Variants in POTEH observed in about 807,000 individuals in gnomAD.
The protein encoded by POTEH is ANKRD26-like family C member 3.
POTEH carries 6 observed loss-of-function variants against 41.7 expected under a neutral mutation model. The ratio of observed to expected loss-of-function variants is 0.14; its 90% CI spans 0.08 to 0.28. The LOEUF (loss-of-function observed/expected upper bound fraction) is 0.28, where lower values mean the gene tolerates loss of function less well. Among genes scored for constraint, POTEH ranks in the 10% least tolerant of loss-of-function variants. The pLI, the probability that POTEH is intolerant of heterozygous loss-of-function variation, is 1.00. For missense variants in POTEH, 115 were observed against 533.5 expected (o/e 0.22, Z 7.73); for synonymous variants, 38 against 179.9 (o/e 0.21, Z 6.31).
At chr22:15,705,372 T>G (rs1352493219) in intron 6 of POTEH, among the ~76,000 whole-genome samples, 1 of 135,674 alleles carries the variant, frequency 7.4e-6, no homozygotes, top group Non-Finnish European at 1.6e-5. Context: ...TTTTTTTTTT[T>G]TTTGGTGTTA....
chr22:15,691,249 C>T (rs1989301626), intron 1 of POTEH, among the ~76,000 whole-genome samples: 1 of 140,700 alleles, frequency 7.1e-6, no homozygotes, highest in Non-Finnish European at 1.6e-5. Flanking sequence ...TTTGGCTGGG[C>T]GTGGTGGCTC....
chr22:15,692,518 G>A (rs1989346502), intron 1 of POTEH, among the ~76,000 whole-genome samples: 1 of 136,980 alleles, frequency 7.3e-6, no homozygotes, highest in Admixed American at 7.7e-5. Context: ...CACTTTAGGA[G>A]GCTGAGGCAG....
chr22:15,721,254 G>A (rs1833794336), intron 10 of POTEH, 32 bp from the exon 11 acceptor site: 1 of 1,473,066 alleles, frequency 6.8e-7, no homozygotes, highest in African/African-American at 1.4e-5. Context: ...AATCTATTGA[G>A]TGCTAACTAA....
chr22:15,714,395 C>T (rs1354250238), intron 9 of POTEH, among the ~76,000 whole-genome samples: 5 of 152,140 alleles, frequency 3.3e-5, no homozygotes, highest in Non-Finnish European at 5.9e-5. Flanking sequence ...CAGAGTTCCT[C>T]CTAATAACTA....
intron 1 of POTEH, among the ~76,000 whole-genome samples, chr22:15,691,717 C>A (rs1347155821): frequency 6.9e-6 from 1 of 145,872 alleles, no homozygotes; most frequent in African/African-American, 2.5e-5. Context: ...TTTATTTCCA[C>A]AAATTGTTTA....
chr22:15,692,739 A>G (rs1989353029), intron 1 of POTEH, among the ~76,000 whole-genome samples: 1 of 124,254 alleles, frequency 8.0e-6, no homozygotes, highest in African/African-American at 2.9e-5. Flanking sequence ...TGGGTGACAG[A>G]GTGAGACCCC....
At chr22:15,691,981 G>GATATATATATAT (rs1403078945) in intron 1 of POTEH, among the ~76,000 whole-genome samples, 18 of 122,998 alleles carry the variant, frequency 1.5e-4, no homozygotes, top group African/African-American at 2.3e-4. Flanking sequence ...TACATATGCA[G>GATATATATATAT]ATACATATAT....
intron 6 of POTEH, among the ~76,000 whole-genome samples, chr22:15,706,360 ATTTCT>A (rs1212556168): frequency 8.1e-6 from 1 of 123,166 alleles, no homozygotes; most frequent in African/African-American, 3.3e-5. Context: ...ACACAATGTA[ATTTCT>A]TTGCTTTATT....
chr22:15,705,530 G>A (rs377069817), intron 6 of POTEH, among the ~76,000 whole-genome samples: 29 of 151,220 alleles, frequency 1.9e-4, no homozygotes, highest in African/African-American at 4.9e-4. Context: ...GAGAGGTATC[G>A]TCAATATGAT....
chr22:15,692,103 T>G (rs1476437154), intron 1 of POTEH, among the ~76,000 whole-genome samples: 1 of 131,920 alleles, frequency 7.6e-6, no homozygotes, highest in Non-Finnish European at 1.7e-5. Context: ...CCTCATAGGT[T>G]CAAGCAATTC....
At chr22:15,691,604 T>A in intron 1 of POTEH, among the ~76,000 whole-genome samples, 1 of 145,080 alleles carries the variant, frequency 6.9e-6, no homozygotes, top group Admixed American at 7.2e-5. Flanking sequence ...AGTTTTAGAG[T>A]TTTTAAATTA....
At chr22:15,691,627 TTTA>T (rs1478525075) in intron 1 of POTEH, among the ~76,000 whole-genome samples, 1 of 146,150 alleles carries the variant, frequency 6.8e-6, no homozygotes, top group Non-Finnish European at 1.5e-5. Flanking sequence ...CATGCTGTCT[TTTA>T]TTATTGTGCT....
intron 1 of POTEH, among the ~76,000 whole-genome samples, chr22:15,691,442 C>T (rs1214500079): frequency 8.3e-6 from 1 of 120,708 alleles, no homozygotes; most frequent in African/African-American, 3.0e-5. Flanking sequence ...AGGAGAATGG[C>T]GTGAACCTGG....
Position 15,690,353 on chromosome 22 carries a change from G to A in POTEH, c.276G>A (p.Lys92=), listed in dbSNP as rs769086178. The part of the protein sequence containing the change: ...TSGDHDDSAM[K]TLRSKMGKWC... The stretch of plus-strand genomic sequence containing the variant: ...GAGACCACGACGATTCTGCTATGAA[G>A]ACACTCAGGAGCAAGATGGGCAAGT... Residue 92 remains lysine (K), a synonymous_variant, in exon 1 of 11, where the codon AAG becomes AAA. Coordinates refer to ENST00000343518, the MANE Select transcript of POTEH (RefSeq NM_001136213.1). The A allele has an allele frequency of 2.2e-6, 3 of 1,382,032 alleles. 1 individual carries two copies. The African/African-American group carries it at 4.9e-5, about 22-fold the overall frequency. 85.6% of individuals were successfully genotyped at this position (1,382,032 alleles called of 1,614,324 possible).
chr22:15,708,565 T>C (rs1267823263), intron 7 of POTEH, among the ~76,000 whole-genome samples: 3 of 141,044 alleles, frequency 2.1e-5, no homozygotes, highest in Non-Finnish European at 3.0e-5. Flanking sequence ...TTCTTAAAAT[T>C]TATTGTAATA....
At chr22:15,717,314 G>T (rs1989927131) in intron 9 of POTEH, among the ~76,000 whole-genome samples, 1 of 93,534 alleles carries the variant, frequency 1.1e-5, no homozygotes, top group Non-Finnish European at 2.4e-5. Flanking sequence ...TAGCTATCCA[G>T]AAATGAGAAT....
intron 1 of POTEH, among the ~76,000 whole-genome samples, chr22:15,691,608 T>C (rs1341628805): frequency 1.4e-5 from 2 of 145,526 alleles, no homozygotes; most frequent in African/African-American, 2.5e-5. Context: ...TTAGAGTTTT[T>C]AAATTACACA....
rs1339285587 is a variant in POTEH, at chr22:15,690,172, T to A, written c.95T>A (p.Phe32Tyr). 2 of 1,356,224 alleles carry A rather than the reference T, an allele frequency of 1.5e-6. 1 individual carries two copies. Among genetic ancestry groups the A allele is most frequent in the Non-Finnish European group, 2.1e-6 (2 of 975,356 alleles). The allele number at this position is 1,356,224 out of a possible 1,614,324, so 84.0% of individuals were successfully genotyped here. A position where few individuals can be genotyped will look rare whatever the true frequency, so the allele number is the denominator to read the frequency against. ...ATGGGCAAGTGGTGCCGCCACTGCT[T>A]CGCCTGGTGCAGGGGGAGCGGCAAG... The part of the protein sequence containing the change: ...SKMGKWCRHC[F>Y]AWCRGSGKSN... The change falls in exon 1 of 11, where the codon TTC becomes TAC. Residue 32 changes from phenylalanine to tyrosine, a missense_variant. Phe to Tyr is a conservative substitution (Grantham distance 22). Coordinates refer to ENST00000343518, the MANE Select transcript of POTEH (RefSeq NM_001136213.1).
In POTEH at chr22:15,711,066, ACT is replaced by A. The variant is rs1337853911; in HGVS notation, c.1520+35_1520+36del. 1.7e-5 allele frequency: 28 copies of A among 1,611,232 alleles called. No individual in the cohort carries two copies. The African/African-American group carries it at 3.6e-4, about 21-fold the overall frequency. ...CTGTGGCAACATTGAACAGGAGATA[ACT>A]CTATGCTGTGAATCTAATTCATGAT... On this transcript the variant is annotated intron_variant, in intron 9 of 10. Transcript: ENST00000343518.
Sources: gnomAD v4.1 joint callset for allele counts (sites outside exome capture counted in the v4.1 genomes callset) on GRCh38, gnomAD v4.1.1 for gene constraint, MANE v1.5 for transcripts, NCBI Gene and HGNC (gene_info 2026-07-23, HGNC 2026-07-21) for gene names.